The following SLC25A48 variants were observed in gnomAD, a reference collection of about 807,000 sequenced individuals.
The protein encoded by SLC25A48 is solute carrier family 25 member 48, also known as CTC-321K16.1.
A neutral mutation model predicts 32.2 loss-of-function variants in SLC25A48; 29 were observed. That is an observed-to-expected ratio of 0.90 (90% CI 0.67 to 1.23). The LOEUF is 1.23. SLC25A48 is among the 50% of genes most tolerant of loss of function. The pLI is 0.00. For synonymous variants in SLC25A48, 164 were observed against 172.3 expected, an observed-to-expected ratio of 0.95 and a Z score of 0.38; for missense variants, 399 against 422.7, an observed-to-expected ratio of 0.94 and a Z score of 0.49.
intron 3 of SLC25A48, among the ~76,000 whole-genome samples, chr5:135,639,671 T>C (rs1207516208): frequency 5.3e-5 from 8 of 152,324 alleles, no homozygotes. Flanking sequence ...AAAGGTCATG[T>C]ATTAGGAATA....
At chr5:135,581,931 A>G (rs1195626751) in intron 1 of SLC25A48, among the ~76,000 whole-genome samples, 2 of 152,350 alleles carry the variant, frequency 1.3e-5, no homozygotes, top group South Asian at 2.1e-4. Flanking sequence ...AGTGAGCCCA[A>G]GCCGAGGGCC....
At chr5:135,737,933 A>G (rs1301335863) in intron 3 of SLC25A48, among the ~76,000 whole-genome samples, 1 of 152,190 alleles carries the variant, frequency 6.6e-6, no homozygotes, top group Non-Finnish European at 1.5e-5. Context: ...CACCTTCTAC[A>G]GGACCATCCG....
intron 3 of SLC25A48, among the ~76,000 whole-genome samples, chr5:135,666,877 G>T (rs1753536958): frequency 6.6e-6 from 1 of 152,126 alleles, no homozygotes; most frequent in Non-Finnish European, 1.5e-5. Context: ...GATTCAATGG[G>T]AACAATGCCT....
chr5:135,620,430 G>C (rs911894005), intron 1 of SLC25A48, among the ~76,000 whole-genome samples: 2 of 152,156 alleles, frequency 1.3e-5, no homozygotes, highest in African/African-American at 4.8e-5. Flanking sequence ...GCATGCACAG[G>C]TAGGGCAGCA....
rs1278293627 is a variant in SLC25A48, at chr5:135,773,052, T to A, written c.-520-39471T>A. ...GGGGGTGTACACTTCCCGGTAATAT[T>A]GTTTGTAATATTTAGGAAGGAGAGG... On this transcript the variant is annotated intron_variant, in intron 3 of 10. Coordinates refer to the SLC25A48 transcript ENST00000646290. Among the ~76,000 whole-genome samples, 8 of 151,224 alleles carry A rather than the reference T, an allele frequency of 5.3e-5. No individual in the cohort carries two copies. The East Asian group carries it at 9.8e-4, about 18-fold the overall frequency.
intron 3 of SLC25A48, among the ~76,000 whole-genome samples, chr5:135,808,859 CAA>C: frequency 6.6e-6 from 1 of 152,260 alleles, no homozygotes; most frequent in East Asian, 1.9e-4. Flanking sequence ...ACTCTACTAA[CAA>C]AGACCATTTG....
chr5:135,882,213 A>G (rs1281413775), intron 7 of SLC25A48, among the ~76,000 whole-genome samples: 3 of 152,200 alleles, frequency 2.0e-5, no homozygotes, highest in Non-Finnish European at 4.4e-5. Context: ...TGGGAGAGGG[A>G]GGTTCCCAGC....
At chr5:135,681,019 C>T (rs181925020) in intron 3 of SLC25A48, among the ~76,000 whole-genome samples, 1 of 151,994 alleles carries the variant, frequency 6.6e-6, no homozygotes, top group East Asian at 1.9e-4. Flanking sequence ...GAGTTTCGCT[C>T]TAGTTGGCAA....
intron 3 of SLC25A48, among the ~76,000 whole-genome samples, chr5:135,691,633 G>A (rs1438284537): frequency 2.0e-5 from 3 of 152,220 alleles, no homozygotes; most frequent in Non-Finnish European, 2.9e-5. Context: ...ACTGGGACAA[G>A]TTGGATACTC....
chr5:135,618,147 T>C (rs191390889), intron 1 of SLC25A48, among the ~76,000 whole-genome samples: 102 of 152,272 alleles, frequency 6.7e-4, no homozygotes, highest in African/African-American at 2.4e-3. Flanking sequence ...TTACTGAATT[T>C]ATCCCTTTAT....
chr5:135,614,472 T>TG (rs1027981236), intron 1 of SLC25A48, among the ~76,000 whole-genome samples: 1 of 152,176 alleles, frequency 6.6e-6, no homozygotes, highest in Non-Finnish European at 1.5e-5. Flanking sequence ...GTGGCAAAAA[T>TG]GGGCATCCTT....
chr5:135,860,685 G>A (rs1366313379), intron 4 of SLC25A48, among the ~76,000 whole-genome samples: 1 of 152,224 alleles, frequency 6.6e-6, no homozygotes. Context: ...CAGTCCTGTG[G>A]TCTGCGCCCT....
At chr5:135,585,094 AGTT>A (rs1751332305) in intron 1 of SLC25A48, among the ~76,000 whole-genome samples, 1 of 152,238 alleles carries the variant, frequency 6.6e-6, no homozygotes, top group Non-Finnish European at 1.5e-5. Context: ...AGGCAGGTAG[AGTT>A]GTTGGTGGCT....
chr5:135,858,347 A>G (rs1760505471), intron 4 of SLC25A48, among the ~76,000 whole-genome samples: 1 of 152,184 alleles, frequency 6.6e-6, no homozygotes, highest in African/African-American at 2.4e-5. Context: ...AAAGCCAAAG[A>G]TGGTTCACCA....
intron 3 of SLC25A48, among the ~76,000 whole-genome samples, chr5:135,703,679 C>T (rs1394575027): frequency 6.6e-6 from 1 of 152,202 alleles, no homozygotes; most frequent in Non-Finnish European, 1.5e-5. Context: ...CTGTGAGTGC[C>T]TCCTCCTTTG....
chr5:135,799,122 G>C (rs1227383693), intron 3 of SLC25A48, among the ~76,000 whole-genome samples: 1 of 151,636 alleles, frequency 6.6e-6, no homozygotes, highest in Non-Finnish European at 1.5e-5. Flanking sequence ...GGCGGGAGAG[G>C]ATGATTTTAC....
chr5:135,692,376 G>A (rs1232610050), intron 3 of SLC25A48, among the ~76,000 whole-genome samples: 1 of 85,576 alleles, frequency 1.2e-5, no homozygotes, highest in East Asian at 2.6e-4. Context: ...CTGGCAGTGG[G>A]ATTCTTTTCG....
At chr5:135,754,033 C>G (rs1270954055) in intron 3 of SLC25A48, among the ~76,000 whole-genome samples, 4 of 151,600 alleles carry the variant, frequency 2.6e-5, no homozygotes, top group Non-Finnish European at 5.9e-5. Flanking sequence ...CACCAGCAGC[C>G]ATATTTTGAG....
rs1754860529 is a variant in SLC25A48, at chr5:135,718,385, C to T, written c.-521+83429C>T. ...GGTGAGGACTGTGGTAAAGATGTGA[C>T]ATAGCTCATCTCAAACCACGTAGGT... is the stretch of plus-strand genomic sequence containing the variant. On this transcript the variant is annotated intron_variant, in intron 3 of 10. Coordinates refer to the SLC25A48 transcript ENST00000646290. Among the ~76,000 whole-genome samples the T allele has an allele frequency of 2.6e-5, 4 of 152,276 alleles. No homozygotes were observed. The South Asian group carries it at 8.3e-4, about 32-fold the overall frequency.
Sources: allele counts gnomAD v4.1 joint callset (sites outside exome capture counted in the v4.1 genomes callset), GRCh38; gene constraint gnomAD v4.1.1; transcripts MANE v1.5; gene names NCBI Gene and HGNC (gene_info 2026-07-23, HGNC 2026-07-21).